HECW2: variants seen among roughly 807,000 people sequenced by gnomAD.
HECW2 encodes HECT, C2 and WW domain containing E3 ubiquitin protein ligase 2, also known as E3 ubiquitin-protein ligase HECW2.
HECW2 carries 61 observed loss-of-function variants against 175.2 expected under a neutral mutation model. The ratio of observed to expected loss-of-function variants is 0.35; its 90% CI spans 0.28 to 0.43. HECW2 has a LOEUF of 0.43. Ranked by LOEUF, HECW2 falls within the 20% of genes least tolerant of loss-of-function variation. The pLI, the probability that HECW2 is intolerant of heterozygous loss-of-function variation, is 1.00. For missense variants in HECW2, 1,524 were observed against 2,000.5 expected (o/e 0.76, Z 4.54); for synonymous variants, 671 against 731.0 (o/e 0.92, Z 1.32).
chr2:196,453,906 A>G (rs1696422828), intron 1 of HECW2, among the ~76,000 whole-genome samples: 1 of 152,250 alleles, frequency 6.6e-6, no homozygotes, highest in Non-Finnish European at 1.5e-5. Flanking sequence ...ACTGCCTCAC[A>G]TTCAGAAGGC....
intron 1 of HECW2, among the ~76,000 whole-genome samples, chr2:196,504,948 T>C (rs1364145242): frequency 1.3e-5 from 2 of 152,100 alleles, no homozygotes; most frequent in East Asian, 3.9e-4. Flanking sequence ...GCTAAAAATA[T>C]CTCTGACCAC....
chr2:196,358,617 A>G lies in HECW2; in HGVS notation c.293-14853T>C, dbSNP rs1261445621. Reference sequence around the variant, plus strand: ...AAAAAAAAAAAAAAAAAAAAAAAAAAGAAACTCTATTTATTCCTTCTTTTA... The same window carrying G: ...AAAAAAAAAAAAAAAAAAAAAAAAAGGAAACTCTATTTATTCCTTCTTTTA... On this transcript the variant is annotated intron_variant, in intron 2 of 28. Coordinates refer to ENST00000644978, the MANE Select transcript of HECW2 (RefSeq NM_001348768.2). Among the ~76,000 whole-genome samples the G allele has an allele frequency of 6.2e-5, 6 of 96,810 alleles. No individual in the cohort carries two copies. In the Admixed American group the frequency reaches 6.8e-4, roughly 11 times the overall value. 63.5% of individuals were successfully genotyped at this position (96,810 alleles called of 152,430 possible).
chr2:196,284,773 T>A (rs4850694), intron 14 of HECW2, among the ~76,000 whole-genome samples: 2 of 152,010 alleles, frequency 1.3e-5, no homozygotes, highest in Admixed American at 1.3e-4. Flanking sequence ...AGTTTTTGAA[T>A]AGCCTGCAAT....
intron 2 of HECW2, among the ~76,000 whole-genome samples, chr2:196,375,055 G>A (rs571090959): frequency 2.0e-5 from 3 of 151,586 alleles, no homozygotes; most frequent in East Asian, 1.9e-4. Flanking sequence ...CCAGCCACTC[G>A]GGAGGCTGAG....
chr2:196,289,769 T>G (rs1690535757), intron 14 of HECW2: 1 of 152,128 alleles, frequency 6.6e-6, no homozygotes, highest in Non-Finnish European at 1.5e-5. Context: ...ACAGAAAACC[T>G]ATTAGCTGCC....
At chr2:196,403,823 T>G (rs4850709) in intron 2 of HECW2, among the ~76,000 whole-genome samples, 1 of 152,192 alleles carries the variant, frequency 6.6e-6, no homozygotes, top group South Asian at 2.1e-4. Flanking sequence ...AAAGAACATG[T>G]CTGTCTTCCT....
rs139139019 is a variant in HECW2, at chr2:196,546,382, C to G, written c.-36+47126G>C. The stretch of plus-strand genomic sequence containing the variant: ...AGTCTAGCACAGTGTCTAGCAGATG[C>G]TCTGTAAACATTAGTCGAATGGATT... On this transcript the variant is annotated intron_variant, in intron 1 of 28. Transcript: ENST00000644978. 1.5e-4 allele frequency among the ~76,000 whole-genome samples: 23 copies of G among 152,336 alleles called. No homozygotes were observed. The East Asian group carries it at 4.4e-3, about 29-fold the overall frequency.
chr2:196,242,487 AAT>A (rs1688493987), intron 19 of HECW2: 1 of 386,028 alleles, frequency 2.6e-6, no homozygotes, highest in Non-Finnish European at 4.8e-6. Flanking sequence ...AGTCGAAACT[AAT>A]ATGAGTCAAA....
intron 22 of HECW2, 59 bp downstream of exon 22, chr2:196,228,043 A>G (rs3748873): frequency 0.26 from 373,699 of 1,413,450 alleles, 51,999 homozygotes; most frequent in East Asian, 0.43. Flanking sequence ...TGGGTTCTAT[A>G]AAAAAACTAA....
intron 2 of HECW2, among the ~76,000 whole-genome samples, chr2:196,349,498 T>A (rs1693091082): frequency 6.6e-6 from 1 of 151,652 alleles, no homozygotes; most frequent in African/African-American, 2.4e-5. Flanking sequence ...GCTACACATT[T>A]TCTCTAAATA....
intron 1 of HECW2, among the ~76,000 whole-genome samples, chr2:196,593,218 T>C (rs1260700903): frequency 3.3e-5 from 5 of 151,224 alleles, no homozygotes. Context: ...ACCCGCCGAT[T>C]GTGTCGAGTC....
chr2:196,467,622 G>A (rs141789882), intron 1 of HECW2, among the ~76,000 whole-genome samples: 1 of 152,308 alleles, frequency 6.6e-6, no homozygotes, highest in East Asian at 1.9e-4. Flanking sequence ...AACAATATTG[G>A]AAGTGGCAAT....
chr2:196,473,234 AG>A (rs1207010060), intron 1 of HECW2, among the ~76,000 whole-genome samples: 5 of 152,268 alleles, frequency 3.3e-5, no homozygotes, highest in Admixed American at 3.3e-4. Context: ...TTTCTAAATC[AG>A]TAGCTTCCAA....
chr2:196,396,246 T>C (rs1694658734), intron 2 of HECW2, among the ~76,000 whole-genome samples: 1 of 152,210 alleles, frequency 6.6e-6, no homozygotes, highest in Non-Finnish European at 1.5e-5. Flanking sequence ...AAAGTTTGCA[T>C]ATCTAAATGG....
At chr2:196,468,930 A>C (rs1697071793) in intron 1 of HECW2, among the ~76,000 whole-genome samples, 1 of 152,212 alleles carries the variant, frequency 6.6e-6, no homozygotes, top group Non-Finnish European at 1.5e-5. Flanking sequence ...TTTAAGTTGC[A>C]AAATGTTTTT....
At chr2:196,427,474 A>G (rs1248813277) in intron 2 of HECW2, among the ~76,000 whole-genome samples, 2 of 152,158 alleles carry the variant, frequency 1.3e-5, no homozygotes, top group Non-Finnish European at 2.9e-5. Flanking sequence ...GGAATTAGAT[A>G]GTGAGCCTGA....
At chr2:196,393,809 A>G (rs1297764779) in intron 2 of HECW2, among the ~76,000 whole-genome samples, 2 of 152,212 alleles carry the variant, frequency 1.3e-5, no homozygotes, top group Non-Finnish European at 2.9e-5. Context: ...CTGGGTATAT[A>G]CCCAAAGGAT....
chr2:196,527,697 C>G (rs1236350703), intron 1 of HECW2, among the ~76,000 whole-genome samples: 1 of 152,214 alleles, frequency 6.6e-6, no homozygotes, highest in Non-Finnish European at 1.5e-5. Context: ...ACTATATCTG[C>G]ATGAATTTTT....
At chr2:196,280,950 G>C (rs1690161407) in intron 14 of HECW2, among the ~76,000 whole-genome samples, 1 of 152,100 alleles carries the variant, frequency 6.6e-6, no homozygotes, top group South Asian at 2.1e-4. Context: ...TAACCATCTT[G>C]TTTAAGGGAA....
Sources: gnomAD v4.1 joint callset for allele counts (sites outside exome capture counted in the v4.1 genomes callset) on GRCh38, gnomAD v4.1.1 for gene constraint, MANE v1.5 for transcripts, NCBI Gene and HGNC (gene_info 2026-07-23, HGNC 2026-07-21) for gene names.